The following ASIC2 variants were observed in gnomAD, a reference collection of about 807,000 sequenced individuals.
ASIC2 encodes the protein acid-sensing ion channel 2.
A neutral mutation model predicts 57.3 loss-of-function variants in ASIC2; 25 were observed. The observed-to-expected ratio is 0.44, with a 90% CI of 0.32 to 0.61. The LOEUF (loss-of-function observed/expected upper bound fraction) is 0.61, where lower values mean the gene tolerates loss of function less well. ASIC2 is among the 20% of genes least tolerant of loss of function. ASIC2 has a pLI of 0.06. For synonymous variants in ASIC2, 319 were observed against 307.5 expected, an observed-to-expected ratio of 1.04 and a Z score of -0.39; for missense variants, 641 against 738.1, an observed-to-expected ratio of 0.87 and a Z score of 1.52.
At chr17:33,974,492 C>A (rs1174380345) in intron 1 of ASIC2, among the ~76,000 whole-genome samples, 1 of 152,138 alleles carries the variant, frequency 6.6e-6, no homozygotes, top group Non-Finnish European at 1.5e-5. Context: ...GTGGTGGTAT[C>A]CATCAAGGTA....
intron 1 of ASIC2, among the ~76,000 whole-genome samples, chr17:33,856,539 A>AGTGGTGGTG (rs1913955408): frequency 1.4e-5 from 2 of 145,580 alleles, no homozygotes; most frequent in Admixed American, 6.8e-5. Flanking sequence ...TAGTGGTAGT[A>AGTGGTGGTG]GTGGCAGTAG....
At chr17:33,093,366 G>A (rs2092165033) in intron 2 of ASIC2, among the ~76,000 whole-genome samples, 1 of 151,978 alleles carries the variant, frequency 6.6e-6, no homozygotes, top group Non-Finnish European at 1.5e-5. Context: ...TTCAAAGAGT[G>A]TAGGTCTCTG....
intron 1 of ASIC2, among the ~76,000 whole-genome samples, chr17:33,531,365 G>A (rs999459022): frequency 2.0e-5 from 3 of 152,158 alleles, no homozygotes; most frequent in Admixed American, 1.3e-4. Flanking sequence ...GTACCGACCT[G>A]ACATCTTGAG....
At chr17:33,241,876 C>T (rs1324383894) in intron 1 of ASIC2, among the ~76,000 whole-genome samples, 1 of 152,238 alleles carries the variant, frequency 6.6e-6, no homozygotes, top group Non-Finnish European at 1.5e-5. Context: ...ACTGGAACAC[C>T]TTCATGATGC....
chr17:33,817,364 C>G (rs955902006), intron 1 of ASIC2, among the ~76,000 whole-genome samples: 1 of 152,164 alleles, frequency 6.6e-6, no homozygotes, highest in African/African-American at 2.4e-5. Context: ...ACTCTCTGAG[C>G]CTGAGTTCTG....
rs1339517037 is a variant in ASIC2, at chr17:33,134,720, G to C, written c.709-22653C>G. 2.0e-5 allele frequency among the ~76,000 whole-genome samples: 3 copies of C among 152,334 alleles called. No homozygotes were observed. The South Asian group carries it at 6.2e-4, about 32-fold the overall frequency. On this transcript the variant is annotated intron_variant, in intron 1 of 9. Transcript: ENST00000225823. ...AGCCCTCAACCTGGGTTGTCCCCGG[G>C]CTGGCCTTGCTCTCCCACTTGGCTG...
intron 1 of ASIC2, among the ~76,000 whole-genome samples, chr17:34,019,274 GA>G (rs996842066): frequency 2.7e-4 from 41 of 152,282 alleles, no homozygotes; most frequent in African/African-American, 9.9e-4. Context: ...AAAGGATTGA[GA>G]ATATTCCATA....
chr17:33,065,114 A>C (rs190983571), intron 3 of ASIC2, among the ~76,000 whole-genome samples: 82 of 152,006 alleles, frequency 5.4e-4, no homozygotes, highest in Admixed American at 4.8e-3. Flanking sequence ...TTTTTTTGAG[A>C]GTGTGTTTAA....
intron 1 of ASIC2, among the ~76,000 whole-genome samples, chr17:33,721,734 A>G (rs1224869108): frequency 6.6e-6 from 1 of 152,242 alleles, no homozygotes; most frequent in Non-Finnish European, 1.5e-5. Context: ...CTTTGAGAAG[A>G]TGCTATTTGA....
chr17:34,032,342 T>G (rs1165687149), intron 1 of ASIC2, among the ~76,000 whole-genome samples: 2 of 152,208 alleles, frequency 1.3e-5, no homozygotes, highest in East Asian at 3.8e-4. Context: ...AGGCCTGCCC[T>G]ACAAGAGCTC....
At chr17:33,600,690 G>A (rs1905099715) in intron 1 of ASIC2, among the ~76,000 whole-genome samples, 2 of 152,230 alleles carry the variant, frequency 1.3e-5, no homozygotes, top group South Asian at 4.1e-4. Context: ...ACTACCACAT[G>A]CTTAGTGTTC....
chr17:33,322,637 C>G (rs780783274), intron 1 of ASIC2, among the ~76,000 whole-genome samples: 1 of 152,138 alleles, frequency 6.6e-6, no homozygotes, highest in Non-Finnish European at 1.5e-5. Context: ...GTACTGAAGA[C>G]AGAGATGGTT....
chr17:34,047,692 T>C (rs1239957560), intron 1 of ASIC2, among the ~76,000 whole-genome samples: 1 of 152,122 alleles, frequency 6.6e-6, no homozygotes, highest in African/African-American at 2.4e-5. Context: ...ACCAATGGAA[T>C]GCTGCAGAAG....
intron 1 of ASIC2, among the ~76,000 whole-genome samples, chr17:33,596,150 G>T (rs1186628120): frequency 6.6e-6 from 1 of 152,174 alleles, no homozygotes; most frequent in East Asian, 1.9e-4. Flanking sequence ...GCTTTTCACT[G>T]CTCTAGCCAA....
At chr17:33,619,011 TG>T (rs1362238253) in intron 1 of ASIC2, among the ~76,000 whole-genome samples, 2 of 152,192 alleles carry the variant, frequency 1.3e-5, no homozygotes, top group Admixed American at 1.3e-4. Flanking sequence ...CTCCTTCTCC[TG>T]TGATCTCATT....
At chr17:33,606,457 C>T (rs550876542) in intron 1 of ASIC2, among the ~76,000 whole-genome samples, 8 of 152,266 alleles carry the variant, frequency 5.3e-5, no homozygotes, top group East Asian at 1.9e-4. Context: ...CAGAGGCATA[C>T]GGGCTCCACA....
At chr17:33,190,504 G>T (rs1460827328) in intron 1 of ASIC2, among the ~76,000 whole-genome samples, 1 of 152,102 alleles carries the variant, frequency 6.6e-6, no homozygotes, top group East Asian at 1.9e-4. Flanking sequence ...GAAAATCTCA[G>T]CAGGATTTTT....
At position 33,643,270 on chromosome 17, in the gene ASIC2, AAAT is replaced by A. The variant is rs542618053; in HGVS notation, c.555+512705_555+512707del. On this transcript the variant is annotated intron_variant, in intron 1 of 9. Transcript: ENST00000359872. ...TACATAAAATTTTGCATCTTCCAAT[AAAT>A]GATGACTGTGATTCAGTGAAATATG... Among the ~76,000 whole-genome samples the A allele has an allele frequency of 7.0e-3, 1,059 of 152,326 alleles. 14 individuals carry two copies. Among genetic ancestry groups the A allele is most frequent in the African/African-American group, 0.024 (1,012 of 41,562 alleles).
At chr17:33,218,283 C>T (rs986444923) in intron 1 of ASIC2, among the ~76,000 whole-genome samples, 4 of 152,034 alleles carry the variant, frequency 2.6e-5, no homozygotes, top group African/African-American at 4.8e-5. Flanking sequence ...CCTGATGCTG[C>T]GGGGCAGGCC....
Sources: allele counts gnomAD v4.1 joint callset (sites outside exome capture counted in the v4.1 genomes callset), GRCh38; gene constraint gnomAD v4.1.1; transcripts MANE v1.5; gene names NCBI Gene and HGNC (gene_info 2026-07-23, HGNC 2026-07-21).